Variants in NEK10 observed in about 807,000 individuals in gnomAD.
NEK10 encodes serine/threonine-protein kinase Nek10.
In NEK10, 122 loss-of-function variants were observed where a neutral mutation model predicts 159.8. The ratio of observed to expected loss-of-function variants is 0.76; its 90% CI spans 0.66 to 0.89. The LOEUF is 0.89. Among genes scored for constraint, NEK10 ranks in the 40% least tolerant of loss-of-function variants. The pLI is 0.00. For synonymous variants in NEK10, 466 were observed against 457.1 expected (o/e 1.02, Z -0.25); for missense variants, 1,342 against 1,323.1 (o/e 1.01, Z -0.22).
intron 30 of NEK10, among the ~76,000 whole-genome samples, chr3:27,145,642 A>C (rs1944227947): frequency 6.6e-6 from 1 of 152,178 alleles, no homozygotes; most frequent in East Asian, 1.9e-4. Flanking sequence ...GGTGTTTTAC[A>C]CATTTAGTCT....
chr3:27,271,641 G>A (rs2041369286), intron 22 of NEK10, among the ~76,000 whole-genome samples: 1 of 152,106 alleles, frequency 6.6e-6, no homozygotes, highest in Non-Finnish European at 1.5e-5. Context: ...GAGTTGAGAG[G>A]TATTCTTAAA....
intron 6 of NEK10, among the ~76,000 whole-genome samples, chr3:27,320,807 T>G (rs1036958947): frequency 3.3e-5 from 5 of 152,200 alleles, no homozygotes; most frequent in Admixed American, 3.3e-4. Flanking sequence ...GAAAGATGTG[T>G]AGTGCCCATG....
At chr3:27,316,847 A>T (rs548412966) in intron 6 of NEK10, among the ~76,000 whole-genome samples, 1 of 152,300 alleles carries the variant, frequency 6.6e-6, no homozygotes, top group South Asian at 2.1e-4. Context: ...TTGTCCAATC[A>T]GCTTGGGAAA....
At chr3:27,222,999 C>G (rs1402758789) in intron 23 of NEK10, among the ~76,000 whole-genome samples, 4 of 152,022 alleles carry the variant, frequency 2.6e-5, no homozygotes, top group African/African-American at 9.7e-5. Context: ...CAAGCTATTA[C>G]TATAAATTAC....
chr3:27,301,005 C>G (rs749035376), intron 13 of NEK10, among the ~76,000 whole-genome samples: 2 of 152,194 alleles, frequency 1.3e-5, no homozygotes, highest in African/African-American at 2.4e-5. Context: ...GCTCTTTCCC[C>G]TCAGAGTCTC....
At chr3:27,141,800 C>A (rs1437190942) in intron 30 of NEK10, among the ~76,000 whole-genome samples, 5 of 152,110 alleles carry the variant, frequency 3.3e-5, no homozygotes, top group Non-Finnish European at 7.4e-5. Context: ...ATGATATTAT[C>A]TATAATAACA....
intron 30 of NEK10, among the ~76,000 whole-genome samples, chr3:27,150,391 T>G (rs1336612473): frequency 6.6e-6 from 1 of 152,196 alleles, no homozygotes; most frequent in African/African-American, 2.4e-5. Context: ...ACTCTCTTGT[T>G]AGGAGCTAAC....
chr3:27,153,236 C>T (rs964364835), intron 30 of NEK10, among the ~76,000 whole-genome samples: 8 of 150,680 alleles, frequency 5.3e-5, no homozygotes, highest in African/African-American at 1.7e-4. Flanking sequence ...AGAAGAATGG[C>T]GTGAACCTGG....
At chr3:27,138,631 C>A (rs868362170) in intron 31 of NEK10, among the ~76,000 whole-genome samples, 1 of 152,094 alleles carries the variant, frequency 6.6e-6, no homozygotes, top group African/African-American at 2.4e-5. Flanking sequence ...CTGACTAGAC[C>A]CTCACTGATA....
At chr3:27,341,333 A>G (rs185553041) in intron 5 of NEK10, among the ~76,000 whole-genome samples, 19 of 152,292 alleles carry the variant, frequency 1.2e-4, no homozygotes, top group Middle Eastern at 3.4e-3. Flanking sequence ...TGTCTATTTC[A>G]AAGTAGCTAG....
At chr3:27,211,483 C>G (rs927293218) in intron 23 of NEK10, among the ~76,000 whole-genome samples, 17 of 152,122 alleles carry the variant, frequency 1.1e-4, no homozygotes, top group Admixed American at 1.0e-3. Context: ...GTCAGATAGA[C>G]CAAGAACCTT....
intron 29 of NEK10, among the ~76,000 whole-genome samples, chr3:27,168,521 A>G (rs1946678465): frequency 6.6e-6 from 1 of 152,194 alleles, no homozygotes; most frequent in Non-Finnish European, 1.5e-5. Context: ...TTTAATTCAG[A>G]GAAGCCCCAG....
intron 10 of NEK10, among the ~76,000 whole-genome samples, 190 bp downstream of exon 10, chr3:27,308,736 C>T (rs1470146165): frequency 3.3e-5 from 5 of 152,158 alleles, no homozygotes; most frequent in African/African-American, 1.2e-4. Flanking sequence ...TTTTAAACTG[C>T]AATTTGCCTT....
intron 30 of NEK10, among the ~76,000 whole-genome samples, chr3:27,144,908 G>C (rs771813493): frequency 1.3e-5 from 2 of 151,992 alleles, no homozygotes; most frequent in Admixed American, 1.3e-4. Context: ...TTTTAGTAGA[G>C]ACAGGGTTTC....
rs137912256 is a variant in NEK10, at chr3:27,171,586, G to T, written c.2831+233C>A. Among the ~76,000 whole-genome samples, 681 of 152,256 alleles carry T rather than the reference G, an allele frequency of 4.5e-3. 4 individuals carry two copies. The highest frequency in any genetic ancestry group is 6.8e-3 in the Middle Eastern group (2 of 294). On this transcript the variant is annotated intron_variant, in intron 29 of 35. Coordinates refer to ENST00000691995, the MANE Select transcript of NEK10 (RefSeq NM_001394966.1). ...TGAGCTCAGAGAGGCTAACTGATTT[G>T]CTCAAGGTCACAAAGCTAGAAAAAG...
chr3:27,204,443 A>G (rs1429994219), intron 23 of NEK10, among the ~76,000 whole-genome samples: 8 of 103,460 alleles, frequency 7.7e-5, no homozygotes, highest in South Asian at 4.4e-4. Context: ...ATATCTCCCA[A>G]TGCTATCCCT....
chr3:27,171,635 T>C (rs1946993117), intron 29 of NEK10, among the ~76,000 whole-genome samples, 184 bp downstream of exon 29: 1 of 152,146 alleles, frequency 6.6e-6, no homozygotes, highest in Non-Finnish European at 1.5e-5. Context: ...AAGACCCAGG[T>C]CCAAGATCAG....
chr3:27,308,919 T>A lies in NEK10; in HGVS notation c.716+7A>T. The A allele has an allele frequency of 6.7e-7, 1 of 1,485,016 alleles. No homozygotes were observed. The highest frequency in any genetic ancestry group is 9.4e-7 in the Non-Finnish European group (1 of 1,065,340). The allele number at this position is 1,485,016 out of a possible 1,614,324, so 92.0% of individuals were successfully genotyped here. On this transcript the variant is annotated splice_region_variant and intron_variant, in intron 10 of 35. Coordinates refer to ENST00000691995, the MANE Select transcript of NEK10 (RefSeq NM_001394966.1). ...AACTGGAAAGTATATTAGAATACAC[T>A]ACTTACCTTTCTGCTAAACTAGCCA...
chr3:27,111,369 A>G, intron 35 of NEK10, 49 bp from the exon 36 acceptor site: 1 of 1,417,904 alleles, frequency 7.1e-7, no homozygotes, highest in Non-Finnish European at 9.6e-7. Flanking sequence ...CAAATATTTT[A>G]GTTCATACAT....
Sources: allele counts gnomAD v4.1 joint callset (sites outside exome capture counted in the v4.1 genomes callset), GRCh38; gene constraint gnomAD v4.1.1; transcripts MANE v1.5; gene names NCBI Gene and HGNC (gene_info 2026-07-23, HGNC 2026-07-21).